The following ZMIZ1 variants were observed in gnomAD, a reference collection of about 807,000 sequenced individuals.
ZMIZ1 encodes zinc finger MIZ-type containing 1.
In ZMIZ1, 17 loss-of-function variants were observed where a neutral mutation model predicts 113.9. That is an observed-to-expected ratio of 0.15 (90% CI 0.10 to 0.22). ZMIZ1 has a LOEUF of 0.22. Among genes scored for constraint, ZMIZ1 ranks in the 10% least tolerant of loss-of-function variants. ZMIZ1 has a pLI of 1.00. For synonymous variants in ZMIZ1, 607 were observed against 603.1 expected, an observed-to-expected ratio of 1.01 and a Z score of -0.09; for missense variants, 1,059 against 1,477.8, an observed-to-expected ratio of 0.72 and a Z score of 4.65.
At chr10:79,274,969 G>C (rs746846861) in intron 7 of ZMIZ1, among the ~76,000 whole-genome samples, 2 of 152,236 alleles carry the variant, frequency 1.3e-5, no homozygotes, top group Non-Finnish European at 2.9e-5. Context: ...GGGGTGGGGC[G>C]GGCAGCAGGC....
At chr10:79,297,556 C>T (rs1225638204) in intron 13 of ZMIZ1, 57 bp from the exon 14 acceptor site, 43 of 1,451,342 alleles carry the variant, frequency 3.0e-5, no homozygotes, top group Non-Finnish European at 4.1e-5. Flanking sequence ...AGAGGGAGAG[C>T]GGGCTTCTGA....
At chr10:79,286,225 T>TC (rs1050429881) in intron 8 of ZMIZ1, among the ~76,000 whole-genome samples, 1 of 152,242 alleles carries the variant, frequency 6.6e-6, no homozygotes, top group African/African-American at 2.4e-5. Flanking sequence ...CAGACCCTCC[T>TC]CCCATCCCAG....
intron 7 of ZMIZ1, among the ~76,000 whole-genome samples, chr10:79,252,481 A>T (rs1850614640): frequency 2.0e-5 from 3 of 152,032 alleles, no homozygotes; most frequent in Admixed American, 2.0e-4. Flanking sequence ...GCTCTTACCT[A>T]AATAGAAACC....
chr10:79,300,811 G>A lies in ZMIZ1; in HGVS notation c.1888G>A (p.Val630Ile), dbSNP rs767383595. The change falls in exon 17 of 25, where the codon GTC (valine) becomes ATC (isoleucine). Residue 630 changes from valine to isoleucine, a missense_variant. Around this residue, in one of 6 missense-constraint regions of ZMIZ1, gnomAD observed 217 missense variants for 426.9 expected, o/e 0.51. Transcript: ENST00000334512. ...MNTNWPASVQ[V>I]SVNATPLTIE... Reference sequence around the variant, plus strand: ...CACCAACTGGCCCGCCTCGGTGCAGGTCAGCGTGAACGCCACGCCCCTCAC... The same window carrying A: ...CACCAACTGGCCCGCCTCGGTGCAGATCAGCGTGAACGCCACGCCCCTCAC... 6.2e-7 allele frequency: 1 copy of A among 1,613,972 alleles called. No individual in the cohort carries two copies. Among genetic ancestry groups the A allele is most frequent in the South Asian group, 1.1e-5 (1 of 91,090 alleles).
In ZMIZ1 at chr10:79,313,693, G is replaced by A; in HGVS notation, c.*944G>A. On this transcript the variant is annotated 3_prime_UTR_variant, in exon 25 of 25. Transcript: ENST00000334512. ...TTAAACAGCAACAATTTAAAGCTATGAAGTCACCTGGAGAAAAGGAACGTT... is the reference window on the plus strand; with the variant it reads ...TTAAACAGCAACAATTTAAAGCTATAAAGTCACCTGGAGAAAAGGAACGTT... 1 of 284,678 alleles carries A rather than the reference G, an allele frequency of 3.5e-6. No homozygotes were observed. Among genetic ancestry groups the A allele is most frequent in the Non-Finnish European group, 6.9e-6 (1 of 143,944 alleles). 17.6% of individuals were successfully genotyped at this position (284,678 alleles called of 1,614,324 possible).
At chr10:79,127,370 C>T (rs1476475410) in intron 2 of ZMIZ1, among the ~76,000 whole-genome samples, 3 of 152,186 alleles carry the variant, frequency 2.0e-5, no homozygotes, top group African/African-American at 4.8e-5. Context: ...GACTACAAGT[C>T]CCCGGGATTG....
chr10:79,139,881 A>C (rs1027911633), intron 3 of ZMIZ1, 104 bp downstream of exon 3: 21 of 398,338 alleles, frequency 5.3e-5, no homozygotes, highest in Non-Finnish European at 8.0e-5. Context: ...ACCAGAGCTG[A>C]GGGTTTTCAG....
intron 1 of ZMIZ1, among the ~76,000 whole-genome samples, chr10:79,088,572 A>G (rs144070581): frequency 1.2e-4 from 19 of 152,182 alleles, no homozygotes; most frequent in African/African-American, 4.6e-4. Flanking sequence ...GACACATGGG[A>G]ACCTTCACCA....
rs114117632 is a variant in ZMIZ1 at position 79,201,562 on chromosome 10, A to T, written c.-49-22A>T. 2,270 of 1,578,170 alleles carry T rather than the reference A, an allele frequency of 1.4e-3. 34 individuals are homozygous for T. The African/African-American group carries it at 0.027, about 19-fold the overall frequency. On this transcript the variant is annotated intron_variant, in intron 4 of 24. Coordinates refer to ENST00000334512, the MANE Select transcript of ZMIZ1 (RefSeq NM_020338.4). ...GGCAGGCCTGGCGTGATCCAGTGACAACCTCTCCTTTCTCTTCGCAGGCTG... is the reference window on the plus strand; with the variant it reads ...GGCAGGCCTGGCGTGATCCAGTGACTACCTCTCCTTTCTCTTCGCAGGCTG...
intron 4 of ZMIZ1, among the ~76,000 whole-genome samples, chr10:79,174,251 G>T (rs1846724649): frequency 6.6e-6 from 1 of 152,214 alleles, no homozygotes; most frequent in South Asian, 2.1e-4. Context: ...CCAGGGTGGG[G>T]TCAGCGTCGG....
chr10:79,286,516 A>G (rs1308243417), intron 8 of ZMIZ1, among the ~76,000 whole-genome samples: 11 of 152,242 alleles, frequency 7.2e-5, no homozygotes, highest in Admixed American at 7.2e-4. Flanking sequence ...ACTGCCCCAC[A>G]CGCTGTGCCT....
intron 2 of ZMIZ1, among the ~76,000 whole-genome samples, chr10:79,130,441 A>C (rs1282906069): frequency 6.6e-6 from 1 of 152,228 alleles, no homozygotes; most frequent in Non-Finnish European, 1.5e-5. Flanking sequence ...AGCCTGCAGC[A>C]GAGCTGCAGC....
chr10:79,125,020 C>T (rs1404520595), intron 2 of ZMIZ1, among the ~76,000 whole-genome samples: 1 of 152,184 alleles, frequency 6.6e-6, no homozygotes, highest in Non-Finnish European at 1.5e-5. Context: ...TTAGTTCACC[C>T]AGGAACTGTG....
chr10:79,270,451 C>T (rs58721384), intron 7 of ZMIZ1, among the ~76,000 whole-genome samples: 1 of 152,290 alleles, frequency 6.6e-6, no homozygotes, highest in African/African-American at 2.4e-5. Context: ...TAGACATATC[C>T]ACTGGGTCCC....
chr10:79,121,176 T>C (rs183670452), intron 2 of ZMIZ1, among the ~76,000 whole-genome samples: 1 of 152,294 alleles, frequency 6.6e-6, no homozygotes, highest in East Asian at 1.9e-4. Context: ...TATGCTCTTT[T>C]CTCCCATGAT....
intron 1 of ZMIZ1, among the ~76,000 whole-genome samples, chr10:79,085,095 C>T (rs926654365): frequency 6.6e-6 from 1 of 152,164 alleles, no homozygotes; most frequent in African/African-American, 2.4e-5. Flanking sequence ...GCCACAGGTC[C>T]TGTGGTGGCC....
At chr10:79,165,631 G>A (rs528318386) in intron 4 of ZMIZ1, among the ~76,000 whole-genome samples, 1 of 152,264 alleles carries the variant, frequency 6.6e-6, no homozygotes, top group Admixed American at 6.5e-5. Context: ...CTGGCCTGGG[G>A]GGCCCTGACC....
At chr10:79,156,122 C>G (rs1253849634) in intron 3 of ZMIZ1, among the ~76,000 whole-genome samples, 1 of 147,944 alleles carries the variant, frequency 6.8e-6, no homozygotes, top group Non-Finnish European at 1.5e-5. Context: ...TGCCAGATAG[C>G]AGGCATTGTC....
At chr10:79,147,593 C>T (rs1003947518) in intron 3 of ZMIZ1, among the ~76,000 whole-genome samples, 2 of 152,198 alleles carry the variant, frequency 1.3e-5, no homozygotes, top group Non-Finnish European at 2.9e-5. Flanking sequence ...TCGTCAAACC[C>T]TCGCCTCTGT....
Sources: gnomAD v4.1 joint callset for allele counts (sites outside exome capture counted in the v4.1 genomes callset) on GRCh38, gnomAD v4.1.1 for gene constraint, gnomAD v4.1.1 regional missense constraint, MANE v1.5 for transcripts, NCBI Gene and HGNC (gene_info 2026-07-23, HGNC 2026-07-21) for gene names.